The following TRPC5 variants were observed in gnomAD, a reference collection of about 807,000 sequenced individuals.
TRPC5 encodes short transient receptor potential channel 5.
A neutral mutation model predicts 56.5 loss-of-function variants in TRPC5; 9 were observed. The ratio of observed to expected loss-of-function variants is 0.16; its 90% CI spans 0.10 to 0.28. The LOEUF is 0.28. TRPC5 is among the 10% of genes least tolerant of loss of function. The pLI is 1.00. For missense variants in TRPC5, 469 were observed against 748.9 expected (o/e 0.63, Z 4.36); for synonymous variants, 282 against 278.5 (o/e 1.01, Z -0.13).
chrX:112,071,180 C>T (rs888482978), intron 1 of TRPC5, among the ~76,000 whole-genome samples: 1 of 110,335 alleles, frequency 9.1e-6, no homozygotes, highest in Non-Finnish European at 1.9e-5. Flanking sequence ...GGCATGGTGT[C>T]GCATACCTGT....
intron 1 of TRPC5, among the ~76,000 whole-genome samples, chrX:111,962,487 C>T (rs776069613): frequency 4.8e-4 from 54 of 112,181 alleles, no homozygotes; most frequent in African/African-American, 1.7e-3. Flanking sequence ...AACCAGAATT[C>T]GAAGTGGAGC....
chrX:112,078,374 A>T (rs935251617), intron 1 of TRPC5, among the ~76,000 whole-genome samples: 2 of 110,744 alleles, frequency 1.8e-5, no homozygotes, highest in African/African-American at 6.6e-5. Context: ...ATTTCTTGGG[A>T]AGATCTCCAC....
chrX:111,905,741 C>T (rs1457563543), intron 3 of TRPC5, among the ~76,000 whole-genome samples: 3 of 108,869 alleles, frequency 2.8e-5, no homozygotes, highest in South Asian at 8.1e-4. Context: ...GATGAAACCC[C>T]GTCTCTACTA....
At chrX:111,877,644 T>G (rs1216134981) in intron 3 of TRPC5, among the ~76,000 whole-genome samples, 1 of 109,458 alleles carries the variant, frequency 9.1e-6, no homozygotes, top group African/African-American at 3.3e-5. Flanking sequence ...ACCATAGGAG[T>G]TGGTATAATA....
chrX:112,069,909 T>G (rs1339241762), intron 1 of TRPC5, among the ~76,000 whole-genome samples: 3 of 111,865 alleles, frequency 2.7e-5, no homozygotes, highest in Non-Finnish European at 5.6e-5. Context: ...TGAAAGGTAC[T>G]CAGACTCTGT....
chrX:112,008,862 A>C (rs931099238), intron 1 of TRPC5, among the ~76,000 whole-genome samples: 1 of 111,677 alleles, frequency 9.0e-6, no homozygotes, highest in African/African-American at 3.3e-5. Flanking sequence ...TATTGAGAGA[A>C]GCTGAGTCGT....
intron 1 of TRPC5, among the ~76,000 whole-genome samples, chrX:112,070,444 T>C (rs1478119414): frequency 9.0e-6 from 1 of 111,313 alleles, no homozygotes; most frequent in Non-Finnish European, 1.9e-5. Flanking sequence ...CCATAGCCAG[T>C]GTTCCATCAA....
intron 1 of TRPC5, among the ~76,000 whole-genome samples, chrX:111,958,609 GC>G (rs1186305979): frequency 8.9e-6 from 1 of 112,329 alleles, no homozygotes; most frequent in African/African-American, 3.2e-5. Context: ...CGGGCAAGAA[GC>G]CCCTCCTTCA....
chrX:112,072,149 A>G (rs1316758417), intron 1 of TRPC5, among the ~76,000 whole-genome samples: 2 of 111,833 alleles, frequency 1.8e-5, no homozygotes, highest in Non-Finnish European at 3.8e-5. Flanking sequence ...CGAACTTTGG[A>G]TCTGTACTTG....
At chrX:111,951,133 C>G (rs1339550066) in intron 2 of TRPC5, among the ~76,000 whole-genome samples, 1 of 111,947 alleles carries the variant, frequency 8.9e-6, no homozygotes, top group Non-Finnish European at 1.9e-5. Context: ...TTATGTTAAT[C>G]TAGGACAGCA....
intron 1 of TRPC5, among the ~76,000 whole-genome samples, chrX:111,970,397 C>T (rs984165797): frequency 9.0e-5 from 10 of 111,341 alleles, no homozygotes; most frequent in African/African-American, 3.3e-4. Flanking sequence ...CTGAGTACTC[C>T]CTTATACTGC....
At chrX:111,786,084 G>A (rs1025049288) in intron 7 of TRPC5, among the ~76,000 whole-genome samples, 2 of 111,097 alleles carry the variant, frequency 1.8e-5, no homozygotes, top group Non-Finnish European at 3.8e-5. Flanking sequence ...GATACTCCTT[G>A]AGAAGAGCAA....
intron 3 of TRPC5, 64 bp downstream of exon 3, chrX:111,912,227 G>C (rs1925840382): frequency 3.6e-6 from 4 of 1,106,076 alleles, no homozygotes; most frequent in Non-Finnish European, 4.8e-6. Context: ...GCTGATTCTT[G>C]CTCTGCTGCT....
At chrX:112,035,077 CTTT>C (rs1182759042) in intron 1 of TRPC5, among the ~76,000 whole-genome samples, 6 of 82,053 alleles carry the variant, frequency 7.3e-5, no homozygotes, top group African/African-American at 3.2e-4. Flanking sequence ...TGAAGTTTTC[CTTT>C]TTTTTTTTTA....
chrX:111,889,419 C>T (rs1166323767), intron 3 of TRPC5, among the ~76,000 whole-genome samples: 1 of 112,096 alleles, frequency 8.9e-6, no homozygotes, highest in Non-Finnish European at 1.9e-5. Flanking sequence ...TTCAGATTCC[C>T]CTGGCTCTAG....
intron 1 of TRPC5, among the ~76,000 whole-genome samples, chrX:111,965,503 C>T (rs1927535535): frequency 8.9e-6 from 1 of 111,753 alleles, no homozygotes; most frequent in South Asian, 3.8e-4. Context: ...CTCTCCACCC[C>T]AAATCAACAG....
chrX:111,881,625 A>G (rs1341025525), intron 3 of TRPC5, among the ~76,000 whole-genome samples: 1 of 111,389 alleles, frequency 9.0e-6, no homozygotes, highest in African/African-American at 3.3e-5. Flanking sequence ...GGGGGTGTCA[A>G]TTCAGGGTTT....
At chrX:111,969,095 A>T (rs1425532314) in intron 1 of TRPC5, among the ~76,000 whole-genome samples, 1 of 110,647 alleles carries the variant, frequency 9.0e-6, no homozygotes, top group Non-Finnish European at 1.9e-5. Context: ...ACCTTCAGCA[A>T]CCCCCACCCT....
intron 1 of TRPC5, among the ~76,000 whole-genome samples, chrX:112,043,683 A>G (rs780870582): frequency 9.1e-6 from 1 of 109,872 alleles, no homozygotes; most frequent in East Asian, 2.8e-4. Flanking sequence ...AGGGAACTCA[A>G]GAGGAGAAAT....
Sources: gnomAD v4.1 joint callset for allele counts (sites outside exome capture counted in the v4.1 genomes callset) on GRCh38, gnomAD v4.1.1 for gene constraint, MANE v1.5 for transcripts, NCBI Gene and HGNC (gene_info 2026-07-23, HGNC 2026-07-21) for gene names.